ARFGEF3: variants seen among roughly 807,000 people sequenced by gnomAD.
ARFGEF3 encodes brefeldin A-inhibited guanine nucleotide-exchange protein 3.
ARFGEF3 carries 96 observed loss-of-function variants against 221.7 expected under a neutral mutation model. The ratio of observed to expected loss-of-function variants is 0.43; its 90% CI spans 0.37 to 0.51. ARFGEF3 has a LOEUF of 0.51. Among genes scored for constraint, ARFGEF3 ranks in the 20% least tolerant of loss-of-function variants. The pLI, the probability that ARFGEF3 is intolerant of heterozygous loss-of-function variation, is 0.00. For synonymous variants in ARFGEF3, 1,145 were observed against 1,126.8 expected, an observed-to-expected ratio of 1.02 and a Z score of -0.32; for missense variants, 2,410 against 2,789.9, an observed-to-expected ratio of 0.86 and a Z score of 3.07.
intron 19 of ARFGEF3, among the ~76,000 whole-genome samples, chr6:138,293,138 G>GACC (rs1779444849): frequency 6.6e-6 from 1 of 152,090 alleles, no homozygotes; most frequent in Non-Finnish European, 1.5e-5. Context: ...TTCTATTAGA[G>GACC]ACCCTCTCCC....
rs1328200116 is a variant in ARFGEF3 at position 138,344,490 on chromosome 6, G to A, written c.*8004G>A. ...TTGTTTAACAGGTCTCTGTAAGCAA[G>A]CTTGCAAGTGTATTTTGTGTACATT... On this transcript the variant is annotated 3_prime_UTR_variant, in exon 34 of 34. Transcript: ENST00000251691. The A allele has an allele frequency of 6.6e-6, 1 of 152,050 alleles. No homozygotes were observed. 9.4% of individuals were successfully genotyped at this position (152,050 alleles called of 1,614,324 possible). A position where few individuals can be genotyped will look rare whatever the true frequency, so the allele number is the denominator to read the frequency against.
At chr6:138,182,672 C>A (rs1163290479) in intron 2 of ARFGEF3, among the ~76,000 whole-genome samples, 3 of 152,114 alleles carry the variant, frequency 2.0e-5, no homozygotes, top group East Asian at 1.9e-4. Context: ...ATGTGAATAC[C>A]CACTGGGGAA....
intron 8 of ARFGEF3, among the ~76,000 whole-genome samples, chr6:138,251,832 TGC>T (rs923710711): frequency 9.2e-5 from 14 of 152,150 alleles, no homozygotes; most frequent in Non-Finnish European, 1.6e-4. Flanking sequence ...CATAGAACCT[TGC>T]GTTAAGGTAT....
chr6:138,286,166 T>A (rs141378004), intron 15 of ARFGEF3, 113 bp downstream of exon 15: 1 of 742,992 alleles, frequency 1.3e-6, no homozygotes. Flanking sequence ...GAAAAAGTAA[T>A]TGGGCCGGGC....
At chr6:138,235,519 C>G (rs956590769) in intron 5 of ARFGEF3, among the ~76,000 whole-genome samples, 1 of 152,192 alleles carries the variant, frequency 6.6e-6, no homozygotes, top group Non-Finnish European at 1.5e-5. Flanking sequence ...TGAGCTCTGT[C>G]CCAGAAATTC....
At chr6:138,254,864 A>G (rs989061397) in intron 9 of ARFGEF3, among the ~76,000 whole-genome samples, 2 of 152,244 alleles carry the variant, frequency 1.3e-5, no homozygotes, top group Admixed American at 6.5e-5. Context: ...GACCAGAACC[A>G]GAAAATTTTT....
At chr6:138,178,532 G>A (rs1033542035) in intron 2 of ARFGEF3, among the ~76,000 whole-genome samples, 13 of 152,082 alleles carry the variant, frequency 8.5e-5, no homozygotes, top group African/African-American at 2.7e-4. Context: ...TGTCCTCACC[G>A]TTCTTCTTAC....
rs772849688 is a variant in ARFGEF3 at position 138,263,286 on chromosome 6, A to G, written c.1803A>G (p.Gln601=). The G allele has an allele frequency of 6.8e-6, 11 of 1,614,006 alleles. No individual in the cohort carries two copies. The highest frequency in any genetic ancestry group is 9.3e-6 in the Non-Finnish European group (11 of 1,179,896). Residue 601 remains glutamine, a synonymous_variant, in exon 12 of 34, where the codon CAA becomes CAG. Coordinates refer to ENST00000251691, the MANE Select transcript of ARFGEF3 (RefSeq NM_020340.5). ...YSESNFSVDD[Q]DLSRTEFDSC... ...AGAGCAATTTTAGCGTTGATGACCA[A>G]GACCTTTCTAGGACAGAGTTTGATT...
Position 138,265,041 on chromosome 6 carries a change from C to T in ARFGEF3, c.2128+1430C>T, listed in dbSNP as rs1482317207. Among the ~76,000 whole-genome samples the T allele has an allele frequency of 4.6e-5, 7 of 151,700 alleles. No individual in the cohort carries two copies. In the East Asian group the frequency reaches 7.7e-4, roughly 17 times the overall value. Reference sequence around the variant, plus strand: ...GCCTCAGCCTCCCAAGTAGCTGGGACTACAGGCGCCCACCACCACACCGGG... The same window carrying T: ...GCCTCAGCCTCCCAAGTAGCTGGGATTACAGGCGCCCACCACCACACCGGG... On this transcript the variant is annotated intron_variant, in intron 12 of 33. Transcript: ENST00000251691.
chr6:138,275,572 T>C (rs1779081674), intron 12 of ARFGEF3, among the ~76,000 whole-genome samples: 1 of 152,134 alleles, frequency 6.6e-6, no homozygotes, highest in Non-Finnish European at 1.5e-5. Context: ...GGTGAAACCC[T>C]GTCTTTACTA....
intron 2 of ARFGEF3, among the ~76,000 whole-genome samples, chr6:138,175,492 G>C (rs988517983): frequency 2.6e-5 from 4 of 152,170 alleles, no homozygotes; most frequent in African/African-American, 9.7e-5. Context: ...GCCATCGATA[G>C]CTCAGGTTAT....
chr6:138,272,796 G>A lies in ARFGEF3; in HGVS notation c.2129-5655G>A, dbSNP rs1473804996. Among the ~76,000 whole-genome samples the A allele has an allele frequency of 3.3e-5, 5 of 152,364 alleles. No individual in the cohort carries two copies. In the East Asian group the frequency reaches 9.6e-4, roughly 29 times the overall value. On this transcript the variant is annotated intron_variant, in intron 12 of 33. Transcript: ENST00000251691. ...TGAGAGTGGGTGTAAGAGTGCTCTT[G>A]TGCACAGTTGGTAGGTGGGAAAATT...
chr6:138,264,821 TGACCA>T (rs1778856908), intron 12 of ARFGEF3, among the ~76,000 whole-genome samples: 1 of 152,140 alleles, frequency 6.6e-6, no homozygotes, highest in Non-Finnish European at 1.5e-5. Context: ...TTTAAGAAGC[TGACCA>T]AATTGTCCTT....
rs979105849 is a variant in ARFGEF3 at position 138,287,276 on chromosome 6, C to G, written c.2896+92C>G. On this transcript the variant is annotated intron_variant, in intron 17 of 33. Coordinates refer to ENST00000251691, the MANE Select transcript of ARFGEF3 (RefSeq NM_020340.5). Reference sequence around the variant, plus strand: ...TACACACGCCAGCCAACACTCGTGCCTGTTCTGTGTGTGATGCCCGGTATG... The same window carrying G: ...TACACACGCCAGCCAACACTCGTGCGTGTTCTGTGTGTGATGCCCGGTATG... The G allele has an allele frequency of 1.2e-5, 11 of 940,256 alleles. No homozygotes were observed. The East Asian group carries it at 2.1e-4, about 18-fold the overall frequency. The allele number at this position is 940,256 out of a possible 1,614,324, so 58.2% of individuals were successfully genotyped here.
At chr6:138,300,131 A>G (rs1779604111) in intron 22 of ARFGEF3, among the ~76,000 whole-genome samples, 2 of 152,254 alleles carry the variant, frequency 1.3e-5, no homozygotes, top group Admixed American at 6.5e-5. Context: ...CTAGAACTAT[A>G]AAGAATTGGA....
chr6:138,340,496 C>T lies in ARFGEF3; in HGVS notation c.*4010C>T, dbSNP rs1780409760. 3 of 152,156 alleles carry T rather than the reference C, an allele frequency of 2.0e-5. No homozygotes were observed. In the South Asian group the frequency reaches 6.2e-4, roughly 32 times the overall value. 9.4% of individuals were successfully genotyped at this position (152,156 alleles called of 1,614,324 possible). On this transcript the variant is annotated 3_prime_UTR_variant, in exon 34 of 34. Coordinates refer to ENST00000251691, the MANE Select transcript of ARFGEF3 (RefSeq NM_020340.5). ...CTCAGAAAGGAAAATCCATTAGTAT[C>T]AGTCCCATCAAGCCAAACAGAATGA...
intron 12 of ARFGEF3, among the ~76,000 whole-genome samples, chr6:138,269,082 A>G (rs1778947611): frequency 6.6e-6 from 1 of 152,172 alleles, no homozygotes; most frequent in Non-Finnish European, 1.5e-5. Context: ...AGCCCCCATT[A>G]TCTCCAGTCA....
intron 32 of ARFGEF3, among the ~76,000 whole-genome samples, chr6:138,328,500 T>C (rs565009828): frequency 5.9e-4 from 90 of 152,300 alleles, no homozygotes; most frequent in African/African-American, 2.1e-3. Flanking sequence ...ACTTCCTCTG[T>C]ACAGGTCTAT....
At chr6:138,203,194 G>T (rs961019891) in intron 2 of ARFGEF3, among the ~76,000 whole-genome samples, 1 of 152,042 alleles carries the variant, frequency 6.6e-6, no homozygotes, top group Admixed American at 6.6e-5. Context: ...ACTAAAATGG[G>T]TTAAGAAGCA....
Sources: allele counts gnomAD v4.1 joint callset (sites outside exome capture counted in the v4.1 genomes callset), GRCh38; gene constraint gnomAD v4.1.1; transcripts MANE v1.5; gene names NCBI Gene and HGNC (gene_info 2026-07-23, HGNC 2026-07-21).